Variants in CNGB1 observed in about 807,000 individuals in gnomAD.
The protein encoded by CNGB1 is cyclic nucleotide-gated channel beta-1.
Under a neutral mutation model 151.7 loss-of-function variants are expected in CNGB1, and 126 were observed. The ratio of observed to expected loss-of-function variants is 0.83; its 90% CI spans 0.72 to 0.96. CNGB1 has a LOEUF of 0.96. Among genes scored for constraint, CNGB1 ranks in the 40% least tolerant of loss-of-function variants. The pLI is 0.00. For synonymous variants in CNGB1, 623 were observed against 635.1 expected (o/e 0.98, Z 0.29); for missense variants, 1,698 against 1,627.0 (o/e 1.04, Z -0.75).
rs78831452 is a variant in CNGB1 at position 57,932,219 on chromosome 16, A to G, written c.1373-341T>C. Among the ~76,000 whole-genome samples, 652 of 152,260 alleles carry G rather than the reference A, an allele frequency of 4.3e-3. 5 individuals carry two copies. Among genetic ancestry groups the G allele is most frequent in the African/African-American group, 0.015 (618 of 41,552 alleles). On this transcript the variant is annotated intron_variant, in intron 16 of 32. Coordinates refer to ENST00000251102, the MANE Select transcript of CNGB1 (RefSeq NM_001297.5). ...TTGAGCAAGCTCCAAGAGCTGAGGC[A>G]GTGGCAGCCCCCAGAGAGGACACAG... is the stretch of plus-strand genomic sequence containing the variant.
At chr16:57,940,144 TC>T in intron 15 of CNGB1, 89 bp downstream of exon 15, 1 of 1,285,062 alleles carries the variant, frequency 7.8e-7, no homozygotes, top group Non-Finnish European at 1.1e-6. Flanking sequence ...CAGCCAAAAC[TC>T]CCCCTGTAAG....
In CNGB1 at chr16:57,888,363, G is replaced by A. The variant is rs548378105; in HGVS notation, c.3243-289C>T. Among the ~76,000 whole-genome samples the A allele has an allele frequency of 6.3e-4, 96 of 152,216 alleles. No homozygotes were observed. In the Middle Eastern group the frequency reaches 0.014, roughly 22 times the overall value. On this transcript the variant is annotated intron_variant, in intron 31 of 32. Coordinates refer to ENST00000251102, the MANE Select transcript of CNGB1 (RefSeq NM_001297.5). ...AACTTGTCTGAGGTCACACAGCTAC[G>A]AAATTCTTCTCTTTCCTTCCTTTCT...
chr16:57,918,073 GGAT>G (rs1567376841), intron 20 of CNGB1, among the ~76,000 whole-genome samples: 1 of 150,770 alleles, frequency 6.6e-6, no homozygotes, highest in African/African-American at 2.4e-5. Flanking sequence ...ATGGATGGAT[GGAT>G]GGATGGATAG....
Position 57,913,379 on chromosome 16 carries a change from C to T in CNGB1, c.2305-385G>A, listed in dbSNP as rs371969110. 2.0e-5 allele frequency among the ~76,000 whole-genome samples: 3 copies of T among 152,244 alleles called. No individual in the cohort carries two copies. The South Asian group carries it at 6.2e-4, about 32-fold the overall frequency. ...TAATAAAGAGACAGCATCCCTAACA[C>T]CCCACTCTTATATCCTTCAAAGGTT... On this transcript the variant is annotated intron_variant, in intron 23 of 32. Transcript: ENST00000251102.
intron 17 of CNGB1, 92 bp from the exon 18 acceptor site, chr16:57,923,472 G>A (rs756273628): frequency 1.9e-6 from 2 of 1,040,604 alleles, no homozygotes; most frequent in Non-Finnish European, 2.9e-6. Context: ...ATCATCTAGA[G>A]CCAATTCCTA....
At chr16:57,888,641 A>G (rs1214522608) in intron 31 of CNGB1, among the ~76,000 whole-genome samples, 2 of 152,166 alleles carry the variant, frequency 1.3e-5, no homozygotes, top group South Asian at 2.1e-4. Flanking sequence ...TTGTAGAGAC[A>G]GGGTTTCGCC....
chr16:57,899,410 C>T (rs1290710326), intron 29 of CNGB1, among the ~76,000 whole-genome samples: 1 of 152,068 alleles, frequency 6.6e-6, no homozygotes, highest in Non-Finnish European at 1.5e-5. Context: ...GAGGCCAAGG[C>T]GGGCACATCA....
At chr16:57,944,861 G>A (rs1454339756) in intron 14 of CNGB1, among the ~76,000 whole-genome samples, 1 of 149,390 alleles carries the variant, frequency 6.7e-6, no homozygotes, top group East Asian at 2.0e-4. Flanking sequence ...GGCTGAGGCA[G>A]GAGAATCGCT....
intron 7 of CNGB1, among the ~76,000 whole-genome samples, chr16:57,961,204 G>T (rs1187230451): frequency 6.6e-6 from 1 of 152,224 alleles, no homozygotes; most frequent in Non-Finnish European, 1.5e-5. Flanking sequence ...AGCCCTGGGG[G>T]CTCCCTGTGC....
intron 1 of CNGB1, among the ~76,000 whole-genome samples, 181 bp downstream of exon 1, chr16:57,970,879 A>G (rs1962524393): frequency 6.6e-6 from 1 of 151,982 alleles, no homozygotes; most frequent in South Asian, 2.1e-4. Flanking sequence ...GGACCTAGGA[A>G]TTTGCATTGT....
intron 17 of CNGB1, among the ~76,000 whole-genome samples, chr16:57,930,360 T>C (rs1279439264): frequency 6.6e-6 from 1 of 151,866 alleles, no homozygotes; most frequent in African/African-American, 2.4e-5. Flanking sequence ...AGCTGGGTGG[T>C]GGCATGTGCC....
At chr16:57,949,880 T>C (rs112135243) in intron 13 of CNGB1, among the ~76,000 whole-genome samples, 1 of 152,256 alleles carries the variant, frequency 6.6e-6, no homozygotes, top group Non-Finnish European at 1.5e-5. Context: ...AGAAATCTCC[T>C]GCAGACGTAT....
chr16:57,949,348 C>T lies in CNGB1; in HGVS notation c.1121+5G>A. 1 of 1,609,536 alleles carries T rather than the reference C, an allele frequency of 6.2e-7. No individual in the cohort carries two copies. The highest frequency in any genetic ancestry group is 8.5e-7 in the Non-Finnish European group (1 of 1,179,992). On this transcript the variant is annotated splice_donor_5th_base_variant and intron_variant, in intron 14 of 32. Coordinates refer to ENST00000251102, the MANE Select transcript of CNGB1 (RefSeq NM_001297.5). ...CGTTCCCAGACAGGTGAGCAAATGA[C>T]TTACTCAGTCACCTCCTCCTCTTCC...
chr16:57,932,089 G>C (rs920660097), intron 16 of CNGB1, among the ~76,000 whole-genome samples: 10 of 152,162 alleles, frequency 6.6e-5, no homozygotes, highest in African/African-American at 2.2e-4. Flanking sequence ...ACCAGCCCAG[G>C]AGCCACGAAA....
Position 57,883,549 on chromosome 16 carries a change from G to T in CNGB1, c.*615C>A. ...AACCTCTCCAGTAGCTGGGACTACA[G>T]GTGCACACCATCACGCCTGGCTATT... On this transcript the variant is annotated 3_prime_UTR_variant, in exon 33 of 33. Coordinates refer to ENST00000251102, the MANE Select transcript of CNGB1 (RefSeq NM_001297.5). 1 of 166,876 alleles carries T rather than the reference G, an allele frequency of 6.0e-6. No homozygotes were observed. The highest frequency in any genetic ancestry group is 1.3e-5 in the Non-Finnish European group (1 of 78,204). The allele number at this position is 166,876 out of a possible 1,614,324, so 10.3% of individuals were successfully genotyped here. A position where few individuals can be genotyped will look rare whatever the true frequency, so the allele number is the denominator to read the frequency against.
At chr16:57,915,389 G>T in intron 22 of CNGB1, 54 bp from the exon 23 acceptor site, 1 of 1,385,672 alleles carries the variant, frequency 7.2e-7, no homozygotes, top group Non-Finnish European at 1.0e-6. Flanking sequence ...CAGGGTGGAA[G>T]GTGAGGGGAG....
rs369125212 is a variant in CNGB1 at position 57,944,916 on chromosome 16, T to G, written c.1121+4437A>C. Among the ~76,000 whole-genome samples, 152 of 123,170 alleles carry G rather than the reference T, an allele frequency of 1.2e-3. No homozygotes were observed. The South Asian group carries it at 0.025, about 20-fold the overall frequency. 80.8% of individuals were successfully genotyped at this position (123,170 alleles called of 152,430 possible). ...TTGCAGTGAGCCAGTATCATGCCAC[T>G]CCACTCCCTGGGCAACAGAGCGAGA... On this transcript the variant is annotated intron_variant, in intron 14 of 32. Transcript: ENST00000251102.
chr16:57,918,629 C>T (rs1960944986), intron 20 of CNGB1, among the ~76,000 whole-genome samples: 1 of 152,204 alleles, frequency 6.6e-6, no homozygotes, highest in African/African-American at 2.4e-5. Context: ...CATCTTTACC[C>T]TGGCTGACTT....
At chr16:57,968,932 G>A (rs991729017) in intron 1 of CNGB1, among the ~76,000 whole-genome samples, 2 of 151,682 alleles carry the variant, frequency 1.3e-5, no homozygotes, top group Non-Finnish European at 2.9e-5. Flanking sequence ...TCAGGAGGCT[G>A]AGGCAAGGGG....
Sources: allele counts gnomAD v4.1 joint callset (sites outside exome capture counted in the v4.1 genomes callset), GRCh38; gene constraint gnomAD v4.1.1; transcripts MANE v1.5; gene names NCBI Gene and HGNC (gene_info 2026-07-23, HGNC 2026-07-21).